The following CMTM8 variants were observed in gnomAD, a reference collection of about 807,000 sequenced individuals.
CMTM8 encodes the protein CKLF like MARVEL transmembrane domain containing 8.
In CMTM8, 12 loss-of-function variants were observed where a neutral mutation model predicts 18.6. The ratio of observed to expected loss-of-function variants is 0.65; its 90% CI spans 0.41 to 1.05. The LOEUF (loss-of-function observed/expected upper bound fraction) is 1.05. Among genes scored for constraint, CMTM8 ranks in the 50% least tolerant of loss-of-function variants. The pLI, the probability that CMTM8 is intolerant of heterozygous loss-of-function variation, is 0.00. For synonymous variants in CMTM8, 87 were observed against 90.6 expected (o/e 0.96, Z 0.23); for missense variants, 217 against 227.2 (o/e 0.95, Z 0.29).
At chr3:32,259,893 G>A in intron 1 of CMTM8, 1 of 963,046 alleles carries the variant, frequency 1.0e-6, no homozygotes, top group Non-Finnish European at 1.6e-6. Flanking sequence ...GTGAAGGCCA[G>A]CCTGGAGAAC....
intron 1 of CMTM8, among the ~76,000 whole-genome samples, chr3:32,273,129 A>ATG (rs60162265): frequency 0.2 from 28,376 of 142,910 alleles, 3,221 homozygotes; most frequent in Middle Eastern, 0.3. Flanking sequence ...ATTGGAACAA[A>ATG]TGTGTGTGTG....
chr3:32,369,615 G>C (rs1455854603), intron 3 of CMTM8, among the ~76,000 whole-genome samples: 1 of 152,162 alleles, frequency 6.6e-6, no homozygotes, highest in Admixed American at 6.6e-5. Context: ...ACTTTCCTCA[G>C]ATGCACTGCC....
chr3:32,322,660 C>T (rs1003174010), intron 1 of CMTM8, among the ~76,000 whole-genome samples: 3 of 152,180 alleles, frequency 2.0e-5, no homozygotes, highest in African/African-American at 4.8e-5. Context: ...CTTCCCACCC[C>T]AGCCATGGCA....
intron 1 of CMTM8, among the ~76,000 whole-genome samples, chr3:32,286,698 A>C (rs2125553526): frequency 6.6e-6 from 1 of 152,318 alleles, no homozygotes; most frequent in South Asian, 2.1e-4. Flanking sequence ...CCTGGGCCAC[A>C]CTGAAAGAAG....
At chr3:32,357,669 C>G in intron 2 of CMTM8, 123 bp downstream of exon 2, 1 of 913,880 alleles carries the variant, frequency 1.1e-6, no homozygotes, top group Non-Finnish European at 1.6e-6. Flanking sequence ...ATGGAGAACT[C>G]AACACAGCAG....
chr3:32,321,151 G>A (rs1026549347), intron 1 of CMTM8, among the ~76,000 whole-genome samples: 5 of 151,862 alleles, frequency 3.3e-5, no homozygotes, highest in Non-Finnish European at 7.4e-5. Flanking sequence ...CACCAAGTCA[G>A]CGGTGTGCTT....
At chr3:32,324,079 T>C (rs1696110940) in intron 1 of CMTM8, among the ~76,000 whole-genome samples, 1 of 152,208 alleles carries the variant, frequency 6.6e-6, no homozygotes, top group Non-Finnish European at 1.5e-5. Flanking sequence ...ATGCCAGCCC[T>C]CCTGTTTCTA....
At chr3:32,300,828 C>T (rs1381586122) in intron 1 of CMTM8, among the ~76,000 whole-genome samples, 3 of 151,886 alleles carry the variant, frequency 2.0e-5, no homozygotes, top group Non-Finnish European at 4.4e-5. Context: ...GGCGTGGTGG[C>T]ACATGCCTGT....
At chr3:32,321,846 G>A (rs537972187) in intron 1 of CMTM8, among the ~76,000 whole-genome samples, 12 of 152,238 alleles carry the variant, frequency 7.9e-5, no homozygotes, top group Non-Finnish European at 1.5e-4. Context: ...TAATCCACCC[G>A]CCTTGGCCTC....
chr3:32,291,682 A>C (rs1406959994), intron 1 of CMTM8, among the ~76,000 whole-genome samples: 1 of 152,220 alleles, frequency 6.6e-6, no homozygotes, highest in Non-Finnish European at 1.5e-5. Flanking sequence ...GCCACAGGGG[A>C]ATCCAGAAAA....
At chr3:32,289,493 G>A (rs1702744001) in intron 1 of CMTM8, among the ~76,000 whole-genome samples, 1 of 152,158 alleles carries the variant, frequency 6.6e-6, no homozygotes, top group Non-Finnish European at 1.5e-5. Context: ...CTTGAAGGAT[G>A]GATAGTAGAA....
At chr3:32,247,888 C>T (rs1206178505) in intron 1 of CMTM8, among the ~76,000 whole-genome samples, 1 of 152,196 alleles carries the variant, frequency 6.6e-6, no homozygotes, top group Non-Finnish European at 1.5e-5. Context: ...CCTCCCTTCC[C>T]TCAACCTTTG....
chr3:32,280,113 G>A (rs1456484387), intron 1 of CMTM8, among the ~76,000 whole-genome samples: 2 of 152,074 alleles, frequency 1.3e-5, no homozygotes, highest in African/African-American at 4.8e-5. Context: ...CACCAATCAG[G>A]AGGAAGTCCC....
intron 1 of CMTM8, among the ~76,000 whole-genome samples, chr3:32,355,334 C>T (rs555214650): frequency 6.6e-6 from 1 of 152,250 alleles, no homozygotes; most frequent in East Asian, 1.9e-4. Context: ...TCCATTGTTC[C>T]AACAGAACAA....
At chr3:32,326,270 C>T (rs1410947247) in intron 1 of CMTM8, among the ~76,000 whole-genome samples, 2 of 152,202 alleles carry the variant, frequency 1.3e-5, no homozygotes, top group Non-Finnish European at 2.9e-5. Context: ...AATAGGTTTT[C>T]AAAAATGCCT....
intron 1 of CMTM8, among the ~76,000 whole-genome samples, chr3:32,287,201 A>G (rs1702702100): frequency 6.6e-6 from 1 of 152,214 alleles, no homozygotes; most frequent in Admixed American, 6.5e-5. Flanking sequence ...CATCATTTTT[A>G]TTGGGCACCT....
intron 1 of CMTM8, among the ~76,000 whole-genome samples, chr3:32,279,180 A>ATTTTT (rs10686617): frequency 7.1e-6 from 1 of 140,540 alleles, no homozygotes; most frequent in African/African-American, 2.6e-5. Context: ...TTTTTTTTTA[A>ATTTTT]TTTTTTTTTT....
At chr3:32,350,851 G>A (rs1162545123) in intron 1 of CMTM8, among the ~76,000 whole-genome samples, 2 of 151,764 alleles carry the variant, frequency 1.3e-5, no homozygotes, top group East Asian at 3.9e-4. Flanking sequence ...TAGAGGCGGG[G>A]TTTCACCATG....
intron 1 of CMTM8, among the ~76,000 whole-genome samples, chr3:32,296,777 G>T (rs1215336565): frequency 6.6e-6 from 1 of 152,176 alleles, no homozygotes; most frequent in Non-Finnish European, 1.5e-5. Flanking sequence ...GGGGCCTCCT[G>T]CCTCTCTCAC....
Sources: allele counts gnomAD v4.1 joint callset (sites outside exome capture counted in the v4.1 genomes callset), GRCh38; gene constraint gnomAD v4.1.1; transcripts MANE v1.5; gene names NCBI Gene and HGNC (gene_info 2026-07-23, HGNC 2026-07-21).